Variants in KIAA0319L observed in about 807,000 individuals in gnomAD.
The protein encoded by KIAA0319L is dyslexia-associated protein KIAA0319-like protein.
A neutral mutation model predicts 120.1 loss-of-function variants in KIAA0319L; 55 were observed. The observed-to-expected ratio is 0.46, with a 90% CI of 0.37 to 0.57. The LOEUF (loss-of-function observed/expected upper bound fraction) is 0.57. KIAA0319L is among the 20% of genes least tolerant of loss of function. KIAA0319L has a pLI of 0.00. For synonymous variants in KIAA0319L, 398 were observed against 471.9 expected, an observed-to-expected ratio of 0.84 and a Z score of 2.03; for missense variants, 1,049 against 1,255.3, an observed-to-expected ratio of 0.84 and a Z score of 2.48.
At position 35,466,617 on chromosome 1, in the gene KIAA0319L, C is replaced by T; in HGVS notation, c.1192G>A (p.Val398Ile). ...AGGGCTGAAAACATACCTGGCTTGA[C>T]TGTCACGTTCACATAGCCTTCCCCA... ...AHGEGYVNVT[V>I]KPEPRKNRPP... The change falls in exon 7 of 21, where the codon GTC (valine) becomes ATC (isoleucine). Residue 398 changes from valine (V) to isoleucine (I), a missense_variant. Transcript: ENST00000325722. The T allele has an allele frequency of 6.2e-7, 1 of 1,612,010 alleles. No homozygotes were observed. Among genetic ancestry groups the T allele is most frequent in the Non-Finnish European group, 8.5e-7 (1 of 1,178,186 alleles).
At chr1:35,512,892 A>AAG (rs988537031) in intron 2 of KIAA0319L, among the ~76,000 whole-genome samples, 3 of 150,038 alleles carry the variant, frequency 2.0e-5, no homozygotes, top group African/African-American at 7.4e-5. Context: ...AAAAAAAAAA[A>AAG]GAATGAAAGA....
At chr1:35,543,244 T>C (rs912934388) in intron 2 of KIAA0319L, among the ~76,000 whole-genome samples, 4 of 152,232 alleles carry the variant, frequency 2.6e-5, no homozygotes, top group African/African-American at 9.6e-5. Flanking sequence ...GCATGGTTTG[T>C]GTTAACAGCC....
At chr1:35,538,932 A>C (rs1272310738) in intron 2 of KIAA0319L, among the ~76,000 whole-genome samples, 1 of 152,006 alleles carries the variant, frequency 6.6e-6, no homozygotes, top group Non-Finnish European at 1.5e-5. Context: ...TCTAGTATAG[A>C]CTATCTCTAA....
At chr1:35,448,136 G>A (rs766149995) in intron 16 of KIAA0319L, 37 bp downstream of exon 16, 3 of 1,545,298 alleles carry the variant, frequency 1.9e-6, no homozygotes, top group Non-Finnish European at 2.6e-6. Context: ...GGGGCCCCTG[G>A]TCTTTCCTTT....
rs373988903 is a variant in KIAA0319L, at chr1:35,502,772, G to A, written c.666+3840C>T. ...TGCCAAACTTGTCTACTTCTGTAGC[G>A]CCTTGCTATCTTTGCCTCTTTTTAT... is the stretch of plus-strand genomic sequence containing the variant. On this transcript the variant is annotated intron_variant, in intron 3 of 20. Coordinates refer to ENST00000325722, the MANE Select transcript of KIAA0319L (RefSeq NM_024874.5). 1.6e-4 allele frequency among the ~76,000 whole-genome samples: 24 copies of A among 152,180 alleles called. No individual in the cohort carries two copies. The East Asian group carries it at 2.1e-3, about 13-fold the overall frequency.
chr1:35,551,619 C>T (rs542499355), intron 2 of KIAA0319L, among the ~76,000 whole-genome samples: 1 of 152,034 alleles, frequency 6.6e-6, no homozygotes, highest in South Asian at 2.1e-4. Context: ...GCGCCCAGCC[C>T]TATTTATTTT....
At chr1:35,511,884 A>G (rs1301389687) in intron 2 of KIAA0319L, among the ~76,000 whole-genome samples, 1 of 152,252 alleles carries the variant, frequency 6.6e-6, no homozygotes, top group Non-Finnish European at 1.5e-5. Flanking sequence ...TTAAGTGGAA[A>G]AAGCAAGTTG....
intron 16 of KIAA0319L, among the ~76,000 whole-genome samples, chr1:35,447,911 G>C (rs1484320565): frequency 6.6e-6 from 1 of 152,098 alleles, no homozygotes; most frequent in Non-Finnish European, 1.5e-5. Flanking sequence ...CCGTACTAAT[G>C]TTCCATATTT....
chr1:35,531,417 G>C (rs1397835961), intron 2 of KIAA0319L, among the ~76,000 whole-genome samples: 1 of 152,214 alleles, frequency 6.6e-6, no homozygotes, highest in African/African-American at 2.4e-5. Context: ...CAGGGATGTA[G>C]AGAGGCAGGG....
At chr1:35,537,385 C>CTTTTTTTTTTTTTTTTTTTTTCT (rs138689877) in intron 2 of KIAA0319L, among the ~76,000 whole-genome samples, 1 of 126,816 alleles carries the variant, frequency 7.9e-6, no homozygotes, top group Non-Finnish European at 1.7e-5. Context: ...CTTTCCTTTC[C>CTTTTTTTTTTTTTTTTTTTTTCT]TTTTTTTTTT....
intron 5 of KIAA0319L, among the ~76,000 whole-genome samples, chr1:35,471,631 C>T (rs1643629571): frequency 6.6e-6 from 1 of 152,002 alleles, no homozygotes; most frequent in Non-Finnish European, 1.5e-5. Flanking sequence ...GGCATCCCTC[C>T]CCAGAAAAAG....
chr1:35,554,065 C>T (rs923700258), intron 2 of KIAA0319L, among the ~76,000 whole-genome samples: 1 of 152,164 alleles, frequency 6.6e-6, no homozygotes, highest in Admixed American at 6.5e-5. Flanking sequence ...GTAATTTGCT[C>T]AAGGTTTTAT....
At chr1:35,475,684 T>C (rs1355418154) in intron 4 of KIAA0319L, among the ~76,000 whole-genome samples, 1 of 152,140 alleles carries the variant, frequency 6.6e-6, no homozygotes, top group Non-Finnish European at 1.5e-5. Context: ...CTGCTAGCTC[T>C]CTCTACTCCA....
At chr1:35,530,163 G>C (rs112337537) in intron 2 of KIAA0319L, among the ~76,000 whole-genome samples, 2,501 of 150,624 alleles carry the variant, frequency 0.017, 67 homozygotes, top group African/African-American at 0.058. Context: ...AGCCTCCTGC[G>C]TAGCTGCGAC....
At chr1:35,548,873 T>C (rs1215231341) in intron 2 of KIAA0319L, among the ~76,000 whole-genome samples, 1 of 152,176 alleles carries the variant, frequency 6.6e-6, no homozygotes, top group Non-Finnish European at 1.5e-5. Context: ...GCCTTTGCTC[T>C]TGCATTCCCA....
intron 2 of KIAA0319L, among the ~76,000 whole-genome samples, chr1:35,548,794 T>C (rs569856389): frequency 6.6e-6 from 1 of 152,212 alleles, no homozygotes; most frequent in African/African-American, 2.4e-5. Flanking sequence ...CCAGCTTTGC[T>C]CTTTATATTC....
rs1570651709 is a variant in KIAA0319L, at chr1:35,453,839, A to G, written c.1781-150T>C. The G allele has an allele frequency of 2.9e-6, 2 of 695,294 alleles. No individual in the cohort carries two copies. The highest frequency in any genetic ancestry group is 3.1e-5 in the Admixed American group (1 of 32,764). The allele number at this position is 695,294 out of a possible 1,614,324, so 43.1% of individuals were successfully genotyped here. A position where few individuals can be genotyped will look rare whatever the true frequency, so the allele number is the denominator to read the frequency against. On this transcript the variant is annotated intron_variant, in intron 11 of 20. Coordinates refer to ENST00000325722, the MANE Select transcript of KIAA0319L (RefSeq NM_024874.5). This position sits in a 1 kb window ranked among gnomAD's most constrained non-coding sequence, Gnocchi z 4.1. ...GTGGGAGATGTGGTTACCGTCAGGGAGCACACAATAAAGAATATAAGGCTG... is the reference window on the plus strand; with the variant it reads ...GTGGGAGATGTGGTTACCGTCAGGGGGCACACAATAAAGAATATAAGGCTG...
At chr1:35,545,867 C>G (rs113478478) in intron 2 of KIAA0319L, among the ~76,000 whole-genome samples, 2,772 of 152,030 alleles carry the variant, frequency 0.018, 83 homozygotes, top group African/African-American at 0.063. Flanking sequence ...TGTACTCCAG[C>G]CTGGGCGACA....
intron 2 of KIAA0319L, among the ~76,000 whole-genome samples, chr1:35,513,306 T>G (rs1645549356): frequency 7.7e-6 from 1 of 130,610 alleles, no homozygotes; most frequent in African/African-American, 2.8e-5. Context: ...TTTTTTTTTT[T>G]TCTGTCCAGT....
Sources: allele counts gnomAD v4.1 joint callset (sites outside exome capture counted in the v4.1 genomes callset), GRCh38; gene constraint gnomAD v4.1.1; non-coding constraint Gnocchi (gnomAD v3.1); transcripts MANE v1.5; gene names NCBI Gene and HGNC (gene_info 2026-07-23, HGNC 2026-07-21).